The following CDC16 variants were observed in gnomAD, a reference collection of about 807,000 sequenced individuals.
CDC16 encodes the protein cell division cycle 16.
CDC16 carries 34 observed loss-of-function variants against 87.0 expected under a neutral mutation model. The observed-to-expected ratio is 0.39, with a 90% CI of 0.30 to 0.52. The LOEUF (loss-of-function observed/expected upper bound fraction) is 0.52. Ranked by LOEUF, CDC16 falls within the 20% of genes least tolerant of loss-of-function variation. CDC16 has a pLI of 0.74. For synonymous variants in CDC16, 263 were observed against 260.6 expected (o/e 1.01, Z -0.09); for missense variants, 653 against 751.9 (o/e 0.87, Z 1.54).
intron 14 of CDC16, 132 bp from the exon 15 acceptor site, chr13:114,261,755 T>C (rs2082874441): frequency 1.8e-6 from 1 of 569,458 alleles, no homozygotes; most frequent in Admixed American, 3.2e-5. Context: ...GCAGTTACCC[T>C]GGCCTTGTGG....
intron 6 of CDC16, among the ~76,000 whole-genome samples, chr13:114,243,028 C>T (rs978856230): frequency 2.6e-5 from 4 of 152,132 alleles, no homozygotes; most frequent in African/African-American, 9.7e-5. Context: ...TGACAAGAGC[C>T]ACCTGGGGAC....
chr13:114,247,928 G>C (rs1336445924), intron 11 of CDC16, among the ~76,000 whole-genome samples: 1 of 141,766 alleles, frequency 7.1e-6, no homozygotes, highest in African/African-American at 2.9e-5. Flanking sequence ...AAACAATAGA[G>C]AATAATGTAG....
chr13:114,235,836 A>G (rs1469360146), intron 1 of CDC16, among the ~76,000 whole-genome samples: 1 of 152,230 alleles, frequency 6.6e-6, no homozygotes, highest in East Asian at 1.9e-4. Flanking sequence ...TTTATTTACC[A>G]TGAGTCAGTT....
chr13:114,238,312 C>T (rs1020601147), intron 3 of CDC16, among the ~76,000 whole-genome samples: 3 of 147,226 alleles, frequency 2.0e-5, no homozygotes, highest in African/African-American at 7.8e-5. Flanking sequence ...AGCAGTTATT[C>T]ACACTCAGGG....
intron 12 of CDC16, among the ~76,000 whole-genome samples, chr13:114,256,421 A>G (rs1308025999): frequency 1.3e-5 from 2 of 152,202 alleles, no homozygotes; most frequent in Non-Finnish European, 2.9e-5. Context: ...AGCAATCAGT[A>G]TTTATTGATG....
At chr13:114,245,007 TAAAAC>T (rs779362985) in intron 9 of CDC16, 38 bp downstream of exon 9, 13 of 1,219,260 alleles carry the variant, frequency 1.1e-5, no homozygotes, top group African/African-American at 9.2e-5. Context: ...TTCTTAGACA[TAAAAC>T]AAATCTTTTC....
Position 114,236,912 on chromosome 13 carries a change from A to C in CDC16, c.201+16A>C, listed in dbSNP as rs368927597. On this transcript the variant is annotated intron_variant, in intron 3 of 17. Coordinates refer to ENST00000356221, the MANE Select transcript of CDC16 (RefSeq NM_001078645.3). ...ACTGGACAAAGTAAGTGATGGTATG[A>C]ACTTTAAAGCTCTTCAGAGCTTTAA... 1.1e-5 allele frequency: 16 copies of C among 1,515,364 alleles called. No homozygotes were observed. Among genetic ancestry groups the C allele is most frequent in the African/African-American group, 1.4e-5 (1 of 71,012 alleles). The allele number at this position is 1,515,364 out of a possible 1,614,324, so 93.9% of individuals were successfully genotyped here. A position where few individuals can be genotyped will look rare whatever the true frequency, so the allele number is the denominator to read the frequency against.
intron 1 of CDC16, 46 bp downstream of exon 1, chr13:114,235,178 C>T: frequency 8.3e-7 from 1 of 1,204,254 alleles, no homozygotes; most frequent in African/African-American, 1.6e-5. Flanking sequence ...CTCGCCGGGT[C>T]TTTTTCCGCG....
intron 10 of CDC16, among the ~76,000 whole-genome samples, chr13:114,246,294 A>G (rs2081869017): frequency 6.6e-6 from 1 of 152,262 alleles, no homozygotes; most frequent in African/African-American, 2.4e-5. Flanking sequence ...TATAGAAGTT[A>G]TACATGCTTA....
At chr13:114,261,058 C>T (rs1003812940) in intron 14 of CDC16, among the ~76,000 whole-genome samples, 1 of 152,088 alleles carries the variant, frequency 6.6e-6, no homozygotes, top group Admixed American at 6.6e-5. Flanking sequence ...GCAGTTCACC[C>T]AGAAATGAGC....
In CDC16 at chr13:114,243,961, T is replaced by C; in HGVS notation, c.739T>C (p.Phe247Leu). The change falls in exon 8 of 18, where the codon TTT becomes CTT. Residue 247 changes from phenylalanine (F) to leucine (L), a missense_variant. Transcript: ENST00000356221. ...LAERHYYNCD[F>L]KMCYKLTSVV... ...TGAGAGACATTATTATAACTGTGAT[T>C]TTAAAATGTGCTACAAGCTTACTTC... 6.2e-7 allele frequency: 1 copy of C among 1,609,146 alleles called. No individual in the cohort carries two copies. The highest frequency in any genetic ancestry group is 8.5e-7 in the Non-Finnish European group (1 of 1,175,870).
At chr13:114,238,402 C>A (rs2081366393) in intron 3 of CDC16, among the ~76,000 whole-genome samples, 1 of 148,708 alleles carries the variant, frequency 6.7e-6, no homozygotes, top group Non-Finnish European at 1.5e-5. Flanking sequence ...CTGCTGCGAG[C>A]TCCTCGGACG....
intron 8 of CDC16, 138 bp downstream of exon 8, chr13:114,244,127 C>G: frequency 1.7e-6 from 1 of 598,562 alleles, no homozygotes; most frequent in Non-Finnish European, 2.9e-6. Flanking sequence ...GAGCACTGAA[C>G]AGGGTGCTGT....
intron 17 of CDC16, among the ~76,000 whole-genome samples, chr13:114,270,870 A>G (rs2083578690): frequency 6.6e-6 from 1 of 151,548 alleles, no homozygotes; most frequent in South Asian, 2.1e-4. Context: ...AGAGTTGATA[A>G]TGAGTCAGAG....
At chr13:114,255,328 A>T (rs1251685430) in intron 12 of CDC16, among the ~76,000 whole-genome samples, 1 of 152,176 alleles carries the variant, frequency 6.6e-6, no homozygotes, top group Non-Finnish European at 1.5e-5. Context: ...CTGTGGGTTC[A>T]AGTTAACATC....
intron 17 of CDC16, among the ~76,000 whole-genome samples, chr13:114,265,737 T>G (rs1326306859): frequency 1.3e-5 from 2 of 152,184 alleles, no homozygotes; most frequent in Non-Finnish European, 2.9e-5. Context: ...AAACATTATG[T>G]GATAAGGAGG....
rs2081587261 is a variant in CDC16, at chr13:114,242,195, C to T, written c.456C>T (p.Ser152=). ...ALDNRTLATY[S]YKEALKLDVY... is the part of the protein sequence containing the mutation. ...ATAACCGAACCCTGGCTACCTACAG[C>T]TACAAAGAAGCTTTGAAGCTTGATG... The change falls in exon 6 of 18, where the codon AGC becomes AGT. Residue 152 remains serine (S), a synonymous_variant. Transcript: ENST00000356221. 4 of 1,614,186 alleles carry T rather than the reference C, an allele frequency of 2.5e-6. No homozygotes were observed. Among genetic ancestry groups the T allele is most frequent in the Non-Finnish European group, 3.4e-6 (4 of 1,180,024 alleles).
intron 1 of CDC16, among the ~76,000 whole-genome samples, chr13:114,236,195 C>T (rs972900583): frequency 6.6e-6 from 1 of 152,158 alleles, no homozygotes; most frequent in Non-Finnish European, 1.5e-5. Context: ...TGTTTTTAAA[C>T]TTGAGTGTTA....
At chr13:114,259,281 A>C (rs2082698241) in intron 13 of CDC16, 54 bp from the exon 14 acceptor site, 1 of 1,335,842 alleles carries the variant, frequency 7.5e-7, no homozygotes, top group Admixed American at 2.5e-5. Flanking sequence ...ATTTTTTTAA[A>C]GTTTATATTT....
Sources: gnomAD v4.1 joint callset for allele counts (sites outside exome capture counted in the v4.1 genomes callset) on GRCh38, gnomAD v4.1.1 for gene constraint, MANE v1.5 for transcripts, NCBI Gene and HGNC (gene_info 2026-07-23, HGNC 2026-07-21) for gene names.